XKR5: variants seen among roughly 807,000 people sequenced by gnomAD.
The protein encoded by XKR5 is XK-related protein 5.
In XKR5, 46 loss-of-function variants were observed where a neutral mutation model predicts 40.8. That is an observed-to-expected ratio of 1.13 (90% confidence interval 0.89 to 1.44). The LOEUF is 1.44. Ranked by LOEUF, XKR5 falls within the 40% of genes most tolerant of loss-of-function variation. The pLI is 0.00. For synonymous variants in XKR5, 466 were observed against 356.1 expected (o/e 1.31, Z -3.48); for missense variants, 1,169 against 844.7 (o/e 1.38, Z -4.76).
intron 5 of XKR5, among the ~76,000 whole-genome samples, chr8:6,820,636 A>T (rs1804187849): frequency 6.6e-6 from 1 of 152,220 alleles, no homozygotes; most frequent in South Asian, 2.1e-4. Context: ...CTGCTCATGC[A>T]TGACCTGGGC....
At position 6,825,176 on chromosome 8, in the gene XKR5, T is replaced by C. The variant is rs939700493; in HGVS notation, c.416A>G (p.Asp139Gly). Residue 139 changes from aspartate to glycine, a missense_variant, in exon 3 of 7, where the codon GAT becomes GGT. Coordinates refer to ENST00000618742, the MANE Select transcript of XKR5 (RefSeq NM_207411.5). ...TYVFLASDFT[D>G]IVPGVSTLFS... ...TGACAGTTACTCACCTGGCACAATA[T>C]CTGTGAAGTCTGAGGCTAGAAAAAC... The C allele has an allele frequency of 3.1e-6, 5 of 1,613,444 alleles. No homozygotes were observed. Among genetic ancestry groups the C allele is most frequent in the Non-Finnish European group, 4.2e-6 (5 of 1,179,680 alleles).
Position 6,825,686 on chromosome 8 carries a change from G to A in XKR5, c.243-337C>T, listed in dbSNP as rs189115743. Reference sequence around the variant, plus strand: ...AAGCTCGGCAATCACCCCGACCTGAGTCCCACCCCGGATCCTCTTGGGATG... The same window carrying A: ...AAGCTCGGCAATCACCCCGACCTGAATCCCACCCCGGATCCTCTTGGGATG... On this transcript the variant is annotated intron_variant, in intron 2 of 6. Coordinates refer to ENST00000618742, the MANE Select transcript of XKR5 (RefSeq NM_207411.5). Among the ~76,000 whole-genome samples the A allele has an allele frequency of 9.2e-5, 14 of 152,178 alleles. No individual in the cohort carries two copies. In the East Asian group the frequency reaches 2.7e-3, roughly 30 times the overall value.
chr8:6,818,536 G>T (rs540876618), intron 5 of XKR5, among the ~76,000 whole-genome samples: 33 of 152,348 alleles, frequency 2.2e-4, no homozygotes, highest in African/African-American at 7.2e-5. Flanking sequence ...GAAGTGAGAC[G>T]GGGTCTTATA....
At chr8:6,831,876 A>G (rs982062913) in intron 2 of XKR5, among the ~76,000 whole-genome samples, 1 of 152,060 alleles carries the variant, frequency 6.6e-6, no homozygotes, top group Admixed American at 6.5e-5. Context: ...TTAGCCGGGC[A>G]TGGTGGCACG....
chr8:6,822,949 G>A (rs1430808972), intron 4 of XKR5, among the ~76,000 whole-genome samples: 1 of 152,246 alleles, frequency 6.6e-6, no homozygotes, highest in East Asian at 1.9e-4. Flanking sequence ...TATATCAGGT[G>A]AGGCAAGTGG....
In XKR5 at chr8:6,825,240, G is replaced by A. The variant is rs377469072; in HGVS notation, c.352C>T (p.Leu118=). 3.8e-5 allele frequency: 62 copies of A among 1,612,846 alleles called. No homozygotes were observed. The African/African-American group carries it at 7.5e-4, about 19-fold the overall frequency. The part of the protein sequence containing the change: ...DLSALRLLEA[L]LQTGPHLLLQ... The stretch of plus-strand genomic sequence containing the variant: ...AGCAGGTGGGGCCCAGTCTGCAGCA[G>A]GGCCTCCAAGAGTCGAAGGGCCGAC... Residue 118 remains leucine, a synonymous_variant, in exon 3 of 7, where the codon CTG becomes TTG. Transcript: ENST00000618742.
intron 2 of XKR5, among the ~76,000 whole-genome samples, chr8:6,827,171 C>T (rs755087018): frequency 7.9e-5 from 12 of 152,144 alleles, no homozygotes; most frequent in Admixed American, 1.3e-4. Flanking sequence ...GGTCAGATTT[C>T]GCCACCACCC....
intron 5 of XKR5, among the ~76,000 whole-genome samples, chr8:6,819,245 C>G (rs1804112019): frequency 6.6e-6 from 1 of 152,192 alleles, no homozygotes; most frequent in Admixed American, 6.5e-5. Context: ...GTCTGGCAGC[C>G]TCTTTCCTGT....
intron 6 of XKR5, among the ~76,000 whole-genome samples, chr8:6,814,641 G>T (rs941844257): frequency 6.6e-6 from 1 of 152,154 alleles, no homozygotes; most frequent in Admixed American, 6.5e-5. Flanking sequence ...GGGGAGCTCT[G>T]TATTATTTCT....
In XKR5 at chr8:6,809,617, T is replaced by G. The variant is rs1053266216; in HGVS notation, c.*1581A>C. The stretch of plus-strand genomic sequence containing the variant: ...AGTCTCGTTATCTTCACCTGTTGTA[T>G]GGAAAGTTTGTAGCCACTTGTCTGC... On this transcript the variant is annotated 3_prime_UTR_variant, in exon 7 of 7. Transcript: ENST00000618742. The G allele has an allele frequency of 3.3e-5, 5 of 152,204 alleles. No homozygotes were observed. The highest frequency in any genetic ancestry group is 1.2e-4 in the African/African-American group (5 of 41,446). 9.4% of individuals were successfully genotyped at this position (152,204 alleles called of 1,614,324 possible).
rs543290085 is a variant in XKR5 at position 6,826,125 on chromosome 8, G to A, written c.243-776C>T. The stretch of plus-strand genomic sequence containing the variant: ...GTATATGGGTGAACACACATGTGGT[G>A]TACATGTGCTTGTGTGTGTGTGTAT... On this transcript the variant is annotated intron_variant, in intron 2 of 6. Coordinates refer to ENST00000618742, the MANE Select transcript of XKR5 (RefSeq NM_207411.5). 2.0e-5 allele frequency among the ~76,000 whole-genome samples: 3 copies of A among 152,168 alleles called. No individual in the cohort carries two copies. In the East Asian group the frequency reaches 5.8e-4, roughly 29 times the overall value.
In XKR5 at chr8:6,832,873, G is replaced by A. The variant is rs541017143; in HGVS notation, c.86C>T (p.Thr29Ile). 2.4e-5 allele frequency: 38 copies of A among 1,605,746 alleles called. No homozygotes were observed. The South Asian group carries it at 3.9e-4, about 17-fold the overall frequency. Residue 29 changes from threonine to isoleucine, a missense_variant, in exon 2 of 7, where the codon ACC becomes ATC. Coordinates refer to ENST00000618742, the MANE Select transcript of XKR5 (RefSeq NM_207411.5). ...CCACCCCCACAGAAGCCGTCCTGTG[G>A]TGAAGTAGTAAGCCACGGTGTAAAG... ...ARLYTVAYYF[T>I]TGRLLWGWLA...
chr8:6,830,675 C>T (rs935663747), intron 2 of XKR5, among the ~76,000 whole-genome samples: 3 of 152,106 alleles, frequency 2.0e-5, no homozygotes, highest in Non-Finnish European at 4.4e-5. Flanking sequence ...GTCATCTTAA[C>T]TTCTTTTTCA....
intron 1 of XKR5, among the ~76,000 whole-genome samples, chr8:6,835,099 A>G (rs1314853190): frequency 6.6e-6 from 1 of 150,812 alleles, no homozygotes; most frequent in East Asian, 2.0e-4. Flanking sequence ...GGGCGGATAC[A>G]TCTCCCCTGC....
rs766041820 is a variant in XKR5 at position 6,832,885 on chromosome 8, G to C, written c.74C>G (p.Ala25Gly). Residue 25 changes from alanine (A) to glycine (G), a missense_variant, in exon 2 of 7, where the codon GCT (alanine) becomes GGT (glycine). By Grantham distance (60) the Ala-to-Gly change is moderately conservative. Transcript: ENST00000618742. Reference sequence around the variant, plus strand: ...AAGCCGTCCTGTGGTGAAGTAGTAAGCCACGGTGTAAAGGCCTGGGTGAGA... The same window carrying C: ...AAGCCGTCCTGTGGTGAAGTAGTAACCCACGGTGTAAAGGCCTGGGTGAGA... The part of the protein sequence containing the change: ...AEQSARLYTV[A>G]YYFTTGRLLW... 1.9e-6 allele frequency: 3 copies of C among 1,600,320 alleles called. No individual in the cohort carries two copies. Among genetic ancestry groups the C allele is most frequent in the Non-Finnish European group, 8.5e-7 (1 of 1,174,628 alleles).
chr8:6,813,624 CAG>C (rs1803834507), intron 6 of XKR5, among the ~76,000 whole-genome samples: 1 of 152,170 alleles, frequency 6.6e-6, no homozygotes, highest in African/African-American at 2.4e-5. Context: ...GGCTGGGAGT[CAG>C]GGGTTTGGCA....
rs1335483445 is a variant in XKR5 at position 6,811,506 on chromosome 8, G to C, written c.1753C>G (p.Pro585Ala). Residue 585 changes from proline to alanine, a missense_variant, in exon 7 of 7, where the codon CCA becomes GCA. By Grantham distance (27) the Pro-to-Ala change is conservative. Coordinates refer to ENST00000618742, the MANE Select transcript of XKR5 (RefSeq NM_207411.5). ...SSPAQPASPHPVGLAPFPDTM... is the reference protein window; with the variant it reads ...SSPAQPASPHAVGLAPFPDTM... ...TCGGGGAAGGGCGCCAAGCCCACTG[G>C]GTGGGGCGATGCAGGCTGGGCAGGG... 1 of 1,529,946 alleles carries C rather than the reference G, an allele frequency of 6.5e-7. No individual in the cohort carries two copies. The highest frequency in any genetic ancestry group is 8.8e-7 in the Non-Finnish European group (1 of 1,142,666). 94.8% of individuals were successfully genotyped at this position (1,529,946 alleles called of 1,614,324 possible).
chr8:6,819,649 C>T (rs1804133674), intron 5 of XKR5, among the ~76,000 whole-genome samples: 1 of 152,182 alleles, frequency 6.6e-6, no homozygotes, highest in Non-Finnish European at 1.5e-5. Flanking sequence ...GTGAGCATGT[C>T]CACCTGTCAT....
chr8:6,833,610 G>C (rs557393750), intron 1 of XKR5, among the ~76,000 whole-genome samples: 1 of 152,224 alleles, frequency 6.6e-6, no homozygotes, highest in Non-Finnish European at 1.5e-5. Context: ...AGCTACTCGG[G>C]ATGGATGAGG....
Sources: gnomAD v4.1 joint callset for allele counts (sites outside exome capture counted in the v4.1 genomes callset) on GRCh38, gnomAD v4.1.1 for gene constraint, MANE v1.5 for transcripts, NCBI Gene and HGNC (gene_info 2026-07-23, HGNC 2026-07-21) for gene names.